MYO3B: variants seen among roughly 807,000 people sequenced by gnomAD.
MYO3B encodes the protein myosin-IIIb.
MYO3B carries 156 observed loss-of-function variants against 174.6 expected under a neutral mutation model. The ratio of observed to expected loss-of-function variants is 0.89; its 90% CI spans 0.78 to 1.02. The LOEUF is 1.02. MYO3B is among the 50% of genes least tolerant of loss of function. The probability of loss-of-function intolerance (pLI) is 0.00; values close to 1 mark genes in which losing one functional copy is unlikely to be tolerated. For synonymous variants in MYO3B, 563 were observed against 569.1 expected, an observed-to-expected ratio of 0.99 and a Z score of 0.15; for missense variants, 1,632 against 1,639.4, an observed-to-expected ratio of 1.00 and a Z score of 0.08.
At chr2:170,614,348 TATG>T (rs1695312996) in intron 32 of MYO3B, among the ~76,000 whole-genome samples, 1 of 152,218 alleles carries the variant, frequency 6.6e-6, no homozygotes, top group Non-Finnish European at 1.5e-5. Flanking sequence ...TAGTAGCTGT[TATG>T]ATGGGGATCA....
intron 7 of MYO3B, among the ~76,000 whole-genome samples, chr2:170,240,230 A>G (rs1283723922): frequency 2.6e-5 from 4 of 152,202 alleles, no homozygotes; most frequent in African/African-American, 4.8e-5. Context: ...AACCCTTTAT[A>G]CCAACCAACT....
At chr2:170,381,654 A>G (rs1558943399) in intron 9 of MYO3B, among the ~76,000 whole-genome samples, 2 of 152,236 alleles carry the variant, frequency 1.3e-5, no homozygotes, top group African/African-American at 4.8e-5. Context: ...CAAGGGAAGT[A>G]AGGCACTTAT....
intron 14 of MYO3B, among the ~76,000 whole-genome samples, chr2:170,390,506 A>C (rs1423820668): frequency 1.3e-5 from 2 of 152,230 alleles, no homozygotes; most frequent in African/African-American, 4.8e-5. Flanking sequence ...GGCAGGGATA[A>C]AGAATGTCAC....
Position 170,404,303 on chromosome 2 carries a change from C to T in MYO3B, c.2334C>T (p.Arg778=). ...TACCCGTGGAATATGAGGACAACCGCCCGCTCTTGGACATGTTCCTCCAGA... is the reference window on the plus strand; with the variant it reads ...TACCCGTGGAATATGAGGACAACCGTCCGCTCTTGGACATGTTCCTCCAGA... ...DAVPVEYEDN[R]PLLDMFLQKP... The change falls in exon 20 of 35, where the codon CGC becomes CGT. Residue 778 remains arginine (R), a synonymous_variant. Coordinates refer to ENST00000408978, the MANE Select transcript of MYO3B (RefSeq NM_138995.5). The T allele has an allele frequency of 6.2e-7, 1 of 1,613,726 alleles. No individual in the cohort carries two copies. Among genetic ancestry groups the T allele is most frequent in the East Asian group, 2.2e-5 (1 of 44,866 alleles).
chr2:170,185,319 A>C (rs1298282736), intron 1 of MYO3B, among the ~76,000 whole-genome samples: 1 of 152,036 alleles, frequency 6.6e-6, no homozygotes, highest in Non-Finnish European at 1.5e-5. Flanking sequence ...TCTTAGACTT[A>C]AGTCTTTAAT....
chr2:170,259,316 C>T (rs1355722172), intron 7 of MYO3B, among the ~76,000 whole-genome samples: 3 of 152,152 alleles, frequency 2.0e-5, no homozygotes, highest in Non-Finnish European at 4.4e-5. Flanking sequence ...TCAAACTATA[C>T]TGCAAGGTTA....
intron 32 of MYO3B, among the ~76,000 whole-genome samples, chr2:170,611,851 A>G (rs149570676): frequency 6.6e-6 from 1 of 152,336 alleles, no homozygotes; most frequent in Non-Finnish European, 1.5e-5. Flanking sequence ...AATAGACTGA[A>G]GCAGGGTTTT....
intron 20 of MYO3B, among the ~76,000 whole-genome samples, chr2:170,404,730 G>T (rs1376515685): frequency 6.6e-6 from 1 of 151,894 alleles, no homozygotes; most frequent in Admixed American, 6.6e-5. Context: ...CCCATCTCAT[G>T]TCTTCCCCTG....
At chr2:170,201,187 C>T (rs773167201) in intron 3 of MYO3B, among the ~76,000 whole-genome samples, 5 of 152,114 alleles carry the variant, frequency 3.3e-5, no homozygotes, top group South Asian at 2.1e-4. Context: ...GAGTCAATTC[C>T]GAACAAATAC....
intron 30 of MYO3B, among the ~76,000 whole-genome samples, chr2:170,541,958 A>G (rs1690141240): frequency 6.6e-6 from 1 of 152,216 alleles, no homozygotes; most frequent in Non-Finnish European, 1.5e-5. Context: ...ACGGAAATGA[A>G]TTTGTCAGCT....
At chr2:170,641,873 AGGG>A (rs1559192515) in intron 32 of MYO3B, among the ~76,000 whole-genome samples, 2 of 18,354 alleles carry the variant, frequency 1.1e-4, no homozygotes, top group Non-Finnish European at 1.7e-4. Flanking sequence ...GGGGGGGGGG[AGGG>A]GCGGGGAGCC....
intron 32 of MYO3B, among the ~76,000 whole-genome samples, chr2:170,616,769 C>A (rs1347590455): frequency 6.6e-6 from 1 of 152,220 alleles, no homozygotes; most frequent in Non-Finnish European, 1.5e-5. Context: ...GAGATACCGT[C>A]TAAAACTTCA....
chr2:170,205,501 T>C lies in MYO3B; in HGVS notation c.321+5217T>C, dbSNP rs74883030. On this transcript the variant is annotated intron_variant, in intron 3 of 34. Transcript: ENST00000408978. Reference sequence around the variant, plus strand: ...GGGTGGGGAGTGGTCCTGATGAAGGTTCTGTTGTGCTTTGCATCCCTATTA... The same window carrying C: ...GGGTGGGGAGTGGTCCTGATGAAGGCTCTGTTGTGCTTTGCATCCCTATTA... 3.2e-3 allele frequency among the ~76,000 whole-genome samples: 492 copies of C among 152,230 alleles called. 3 individuals carry two copies. The highest frequency in any genetic ancestry group is 0.011 in the African/African-American group (466 of 41,518).
At chr2:170,285,182 G>T (rs115881573) in intron 7 of MYO3B, among the ~76,000 whole-genome samples, 1,999 of 152,234 alleles carry the variant, frequency 0.013, 36 homozygotes, top group African/African-American at 0.046. Flanking sequence ...TCTTCTTGTG[G>T]ACAAGGGTGA....
At chr2:170,504,064 C>T (rs753243759) in intron 28 of MYO3B, among the ~76,000 whole-genome samples, 2 of 152,152 alleles carry the variant, frequency 1.3e-5, no homozygotes, top group African/African-American at 2.4e-5. Context: ...CTTCCCCAAA[C>T]ATAATCTCAT....
intron 7 of MYO3B, among the ~76,000 whole-genome samples, chr2:170,254,126 T>C (rs1384745650): frequency 2.6e-5 from 4 of 151,900 alleles, no homozygotes; most frequent in Non-Finnish European, 5.9e-5. Context: ...CTGAAAAGGT[T>C]CTCAGGAAGG....
chr2:170,269,491 A>C (rs1181516387), intron 7 of MYO3B, among the ~76,000 whole-genome samples: 1 of 152,166 alleles, frequency 6.6e-6, no homozygotes, highest in Non-Finnish European at 1.5e-5. Context: ...GAATGTGGGG[A>C]AACAAGCACT....
chr2:170,230,268 C>A lies in MYO3B; in HGVS notation c.604-5723C>A, dbSNP rs570326123. Among the ~76,000 whole-genome samples, 9 of 143,594 alleles carry A rather than the reference C, an allele frequency of 6.3e-5. No individual in the cohort carries two copies. The South Asian group carries it at 2.0e-3, about 32-fold the overall frequency. 94.2% of individuals were successfully genotyped at this position (143,594 alleles called of 152,430 possible). The stretch of plus-strand genomic sequence containing the variant: ...CACTGCAACCTCCGCCTCCCATGTT[C>A]AAGCAATTCTCTTGCCTCAGCCTCC... On this transcript the variant is annotated intron_variant, in intron 6 of 34. Transcript: ENST00000408978.
intron 25 of MYO3B, among the ~76,000 whole-genome samples, chr2:170,489,166 T>C (rs941493957): frequency 1.3e-5 from 2 of 152,204 alleles, no homozygotes; most frequent in African/African-American, 4.8e-5. Flanking sequence ...ACTAAATTTC[T>C]CACCTTGGGC....
Sources: allele counts gnomAD v4.1 joint callset (sites outside exome capture counted in the v4.1 genomes callset), GRCh38; gene constraint gnomAD v4.1.1; transcripts MANE v1.5; gene names NCBI Gene and HGNC (gene_info 2026-07-23, HGNC 2026-07-21).